The following PCDH7 variants were observed in gnomAD, a reference collection of about 807,000 sequenced individuals.
PCDH7 encodes the protein protocadherin-7.
Under a neutral mutation model 58.9 loss-of-function variants are expected in PCDH7, and 17 were observed. The ratio of observed to expected loss-of-function variants is 0.29; its 90% CI spans 0.20 to 0.43. PCDH7 has a LOEUF of 0.43. PCDH7 is among the 20% of genes least tolerant of loss of function. The pLI, the probability that PCDH7 is intolerant of heterozygous loss-of-function variation, is 1.00. For synonymous variants in PCDH7, 664 were observed against 616.4 expected (o/e 1.08, Z -1.14); for missense variants, 1,274 against 1,441.0 (o/e 0.88, Z 1.88).
At chr4:31,051,978 T>G (rs1756783140) in intron 3 of PCDH7, among the ~76,000 whole-genome samples, 1 of 152,144 alleles carries the variant, frequency 6.6e-6, no homozygotes, top group African/African-American at 2.4e-5. Context: ...ACGGACTATT[T>G]TTCTGTGGTT....
At chr4:30,998,067 T>C (rs2109133250) in intron 3 of PCDH7, among the ~76,000 whole-genome samples, 1 of 152,322 alleles carries the variant, frequency 6.6e-6, no homozygotes, top group East Asian at 1.9e-4. Flanking sequence ...AGCTTGAGCA[T>C]ATTTCACAAA....
chr4:31,134,805 A>G (rs1719398543), intron 3 of PCDH7, among the ~76,000 whole-genome samples: 1 of 152,166 alleles, frequency 6.6e-6, no homozygotes, highest in African/African-American at 2.4e-5. Flanking sequence ...GTGGGGTTCC[A>G]TCTGCAAAGA....
At chr4:30,930,443 T>C (rs1327167906) in intron 2 of PCDH7, among the ~76,000 whole-genome samples, 2 of 152,080 alleles carry the variant, frequency 1.3e-5, no homozygotes, top group Admixed American at 1.3e-4. Context: ...AATTTGTGAG[T>C]ATAGATAAGC....
In PCDH7 at chr4:31,005,398, A is replaced by G. The variant is rs868298589; in HGVS notation, c.*7+55183A>G. On this transcript the variant is annotated intron_variant, in intron 3 of 3. Coordinates refer to the PCDH7 transcript ENST00000509759. ...CAGTGGTAGCTGTCTGCTGGTGAAC[A>G]CATAAGGAATCTTGCTTCACTATTG... Among the ~76,000 whole-genome samples the G allele has an allele frequency of 2.6e-5, 4 of 152,172 alleles. No individual in the cohort carries two copies. The South Asian group carries it at 8.3e-4, about 32-fold the overall frequency.
At chr4:31,097,291 T>C (rs1714131998) in intron 3 of PCDH7, among the ~76,000 whole-genome samples, 2 of 151,534 alleles carry the variant, frequency 1.3e-5, no homozygotes, top group Admixed American at 6.6e-5. Flanking sequence ...ACCCTGTCTC[T>C]AGTAAAAATA....
chr4:30,899,942 CA>C (rs1560482658), intron 1 of PCDH7, among the ~76,000 whole-genome samples: 1 of 152,156 alleles, frequency 6.6e-6, no homozygotes, highest in East Asian at 1.9e-4. Flanking sequence ...AATAATAAAA[CA>C]AATAATGTGG....
chr4:31,006,613 C>T (rs1752783865), intron 3 of PCDH7, among the ~76,000 whole-genome samples: 1 of 152,134 alleles, frequency 6.6e-6, no homozygotes, highest in Non-Finnish European at 1.5e-5. Flanking sequence ...AGGAACTAGG[C>T]CGGGTGTGGT....
exon 2 of PCDH7, chr4:30,731,556 C>T (rs977172200): frequency 6.6e-6 from 1 of 151,950 alleles, no homozygotes; most frequent in African/African-American, 2.4e-5. Flanking sequence ...AAATTTAGAA[C>T]TTTTCACTTT....
In PCDH7 at chr4:31,142,345, G is replaced by A. The variant is rs555047635; in HGVS notation, c.*8-128G>A. On this transcript the variant is annotated intron_variant, in intron 3 of 3. Transcript: ENST00000509759. Reference sequence around the variant, plus strand: ...AACTGTCCTATGGAATGATGAGCTAGAGGGTGTTGGGAAATGAGAAATAAG... The same window carrying A: ...AACTGTCCTATGGAATGATGAGCTAAAGGGTGTTGGGAAATGAGAAATAAG... 26 of 865,548 alleles carry A rather than the reference G, an allele frequency of 3.0e-5. 2 individuals carry two copies. In the South Asian group the frequency reaches 4.2e-4, roughly 14 times the overall value. The allele number at this position is 865,548 out of a possible 1,614,324, so 53.6% of individuals were successfully genotyped here.
intron 3 of PCDH7, among the ~76,000 whole-genome samples, chr4:31,098,156 G>C (rs7697966): frequency 0.62 from 94,675 of 152,048 alleles, 31,657 homozygotes; most frequent in African/African-American, 0.87. Flanking sequence ...CTTCCCCCAC[G>C]CAGGGATGTC....
At position 30,723,076 on chromosome 4, in the gene PCDH7, G is replaced by A; in HGVS notation, c.1654G>A (p.Glu552Lys). The change falls in exon 1 of 2, where the codon GAG (glutamate) becomes AAG (lysine). Residue 552 changes from glutamate (E) to lysine (K), a missense_variant. By Grantham distance (56) the Glu-to-Lys change is moderately conservative (BLOSUM62 1). Coordinates refer to ENST00000361762, the Ensembl canonical transcript of PCDH7. This position sits in a 1 kb window ranked among gnomAD's most constrained non-coding sequence, Gnocchi z 4.6. ...CTTCCCTGAGAACAACATCCCGGGC[G>A]AGAGGGTGGCCACGGTGCTGGCGAC... is the stretch of plus-strand genomic sequence containing the variant. 1 of 1,613,870 alleles carries A rather than the reference G, an allele frequency of 6.2e-7. No homozygotes were observed. Among genetic ancestry groups the A allele is most frequent in the South Asian group, 1.1e-5 (1 of 91,086 alleles).
intron 1 of PCDH7, among the ~76,000 whole-genome samples, chr4:30,799,438 A>C (rs1489901350): frequency 2.0e-5 from 3 of 152,230 alleles, no homozygotes; most frequent in Non-Finnish European, 4.4e-5. Context: ...ACATCTATGC[A>C]AAGTAGTTAA....
intron 1 of PCDH7, among the ~76,000 whole-genome samples, chr4:30,838,289 C>T (rs1362016230): frequency 6.6e-6 from 1 of 152,060 alleles, no homozygotes; most frequent in Non-Finnish European, 1.5e-5. Context: ...TCTCCCCAGG[C>T]ACTGGAATTA....
intron 3 of PCDH7, among the ~76,000 whole-genome samples, chr4:31,138,995 GA>G (rs143078970): frequency 0.015 from 2,215 of 149,106 alleles, 54 homozygotes; most frequent in African/African-American, 0.05. Context: ...AAAAAGAAAA[GA>G]AAAAAAACTC....
rs1458033779 is a variant in PCDH7 at position 30,723,294 on chromosome 4, G to T, written c.1872G>T (p.Thr624=). The T allele has an allele frequency of 1.2e-6, 2 of 1,614,198 alleles. No homozygotes were observed. The highest frequency in any genetic ancestry group is 1.7e-6 in the Non-Finnish European group (2 of 1,180,044). Reference sequence around the variant, plus strand: ...TCCCCGTGCTGCAGGGCAGCACTACGGTGATTGTGCAGGTGGCTGATAAAA... The same window carrying T: ...TCCCCGTGCTGCAGGGCAGCACTACTGTGATTGTGCAGGTGGCTGATAAAA... The change falls in exon 1 of 2, where the codon ACG becomes ACT. Residue 624 remains threonine, a synonymous_variant. Coordinates refer to ENST00000361762, the Ensembl canonical transcript of PCDH7. The surrounding 1 kb of genome is among the most constrained non-coding windows in gnomAD (Gnocchi z 4.6).
chr4:30,885,103 G>A (rs1412823669), intron 1 of PCDH7: 1 of 152,206 alleles, frequency 6.6e-6, no homozygotes, highest in African/African-American at 2.4e-5. Context: ...TACAAGGTCA[G>A]TTCCAATATA....
intron 3 of PCDH7, among the ~76,000 whole-genome samples, chr4:31,042,055 G>A (rs938368168): frequency 2.0e-5 from 3 of 152,120 alleles, no homozygotes; most frequent in Non-Finnish European, 4.4e-5. Flanking sequence ...GTTTCTGATC[G>A]ACAAAGTATG....
intron 3 of PCDH7, among the ~76,000 whole-genome samples, chr4:31,017,779 G>C (rs1302482088): frequency 6.6e-6 from 1 of 152,130 alleles, no homozygotes; most frequent in Admixed American, 6.5e-5. Context: ...ACTCTTTTTA[G>C]AGTTGAGGGT....
intron 1 of PCDH7, among the ~76,000 whole-genome samples, chr4:30,772,761 A>G (rs1332388574): frequency 1.3e-5 from 2 of 152,170 alleles, no homozygotes. Flanking sequence ...TGTGCTCAGT[A>G]TTTTACTTAT....
Sources: gnomAD v4.1 joint callset for allele counts (sites outside exome capture counted in the v4.1 genomes callset) on GRCh38, gnomAD v4.1.1 for gene constraint, Gnocchi (gnomAD v3.1) non-coding constraint, MANE v1.5 for transcripts, NCBI Gene and HGNC (gene_info 2026-07-23, HGNC 2026-07-21) for gene names.